PRPH2: variants seen among roughly 807,000 people sequenced by gnomAD.
The protein encoded by PRPH2 is peripherin-2.
Under a neutral mutation model 31.3 loss-of-function variants are expected in PRPH2, and 17 were observed. That is an observed-to-expected ratio of 0.54 (90% confidence interval 0.37 to 0.81). The LOEUF is 0.81. Ranked by LOEUF, PRPH2 falls within the 40% of genes least tolerant of loss-of-function variation. PRPH2 has a pLI of 0.00. For missense variants in PRPH2, 430 were observed against 439.7 expected (o/e 0.98, Z 0.20); for synonymous variants, 165 against 184.4 (o/e 0.89, Z 0.85).
Position 42,700,672 on chromosome 6 carries a change from G to A in PRPH2, c.829-2165C>T, listed in dbSNP as rs1800029619. ...CACTCTGATCCCCTCCTGCTTTCCT[G>A]AAGGAGGCTCTCTGCACTGTGAGTT... On this transcript the variant is annotated intron_variant, in intron 2 of 2. Transcript: ENST00000230381. Among the ~76,000 whole-genome samples, 5 of 152,170 alleles carry A rather than the reference G, an allele frequency of 3.3e-5. No individual in the cohort carries two copies. The South Asian group carries it at 1.0e-3, about 32-fold the overall frequency.
chr6:42,712,050 G>T, intron 1 of PRPH2: 1 of 818,852 alleles, frequency 1.2e-6, no homozygotes. Context: ...AACTGAGCCT[G>T]ATCCAACCAT....
chr6:42,722,524 G>A lies in PRPH2; in HGVS notation c.-190C>T. ...CCCGTGAATGCAGTAGTGGTGGCAGGGGTCTCGGAATCACAGCTTGAGCAG... is the reference window on the plus strand; with the variant it reads ...CCCGTGAATGCAGTAGTGGTGGCAGAGGTCTCGGAATCACAGCTTGAGCAG... On this transcript the variant is annotated 5_prime_UTR_variant, in exon 1 of 3. Transcript: ENST00000230381. The surrounding 1 kb of genome is among the most constrained non-coding windows in gnomAD (Gnocchi z 4.4). 1 of 1,462,978 alleles carries A rather than the reference G, an allele frequency of 6.8e-7. No homozygotes were observed. The allele number at this position is 1,462,978 out of a possible 1,614,324, so 90.6% of individuals were successfully genotyped here. A position where few individuals can be genotyped will look rare whatever the true frequency, so the allele number is the denominator to read the frequency against.
chr6:42,714,797 T>C (rs954606246), intron 1 of PRPH2, among the ~76,000 whole-genome samples: 5 of 152,126 alleles, frequency 3.3e-5, no homozygotes, highest in Non-Finnish European at 5.9e-5. Flanking sequence ...GGATTACAGG[T>C]GTGAGCCACC....
At position 42,722,203 on chromosome 6, in the gene PRPH2, T is replaced by G; in HGVS notation, c.132A>C (p.Glu44Asp). The change falls in exon 1 of 3, where the codon GAA (glutamate) becomes GAC (aspartate). Residue 44 changes from glutamate (E) to aspartate (D), a missense_variant. Coordinates refer to ENST00000230381, the MANE Select transcript of PRPH2 (RefSeq NM_000322.5). The surrounding 1 kb of genome is among the most constrained non-coding windows in gnomAD (Gnocchi z 4.4). ...TCATCACATCGCTCCTCTTTCGGAG[T>G]TCAATCTTCAGGAACAGTCCTAGGC... The part of the protein sequence containing the change: ...IFSLGLFLKI[E>D]LRKRSDVMNN... 6.2e-7 allele frequency: 1 copy of G among 1,614,040 alleles called. No homozygotes were observed.
chr6:42,721,927 G>C lies in PRPH2; in HGVS notation c.408C>G (p.Asn136Lys). Residue 136 changes from asparagine to lysine, a missense_variant, in exon 1 of 3, where the codon AAC becomes AAG. Physicochemically the swap from Asn to Lys is moderately conservative, Grantham distance 94. Coordinates refer to ENST00000230381, the MANE Select transcript of PRPH2 (RefSeq NM_000322.5). ...LENTLGQGLK[N>K]GMKYYRDTDT... ...CTGTGTCCCGGTAGTACTTCATGCC[G>C]TTCTTGAGCCCTTGGCCCAGGGTGT... 1 of 1,614,156 alleles carries C rather than the reference G, an allele frequency of 6.2e-7. No individual in the cohort carries two copies. Among genetic ancestry groups the C allele is most frequent in the Non-Finnish European group, 8.5e-7 (1 of 1,180,030 alleles).
At chr6:42,713,385 C>A (rs1284310939) in intron 1 of PRPH2, among the ~76,000 whole-genome samples, 1 of 152,164 alleles carries the variant, frequency 6.6e-6, no homozygotes, top group Admixed American at 6.5e-5. Flanking sequence ...CTGGCCCACC[C>A]AGGACCACCA....
chr6:42,719,324 G>A (rs868112385), intron 1 of PRPH2, among the ~76,000 whole-genome samples: 5 of 151,990 alleles, frequency 3.3e-5, no homozygotes, highest in Middle Eastern at 3.4e-3. Context: ...TTACAGGCAT[G>A]CCACCACACC....
chr6:42,722,080 G>A lies in PRPH2; in HGVS notation c.255C>T (p.Ala85=). ...NSLAGKICYD[A]LDPAKYARWK... Reference sequence around the variant, plus strand: ...ATCTGGCATACTTGGCTGGGTCCAGGGCGTCGTAGCAGATCTTCCCAGCCA... The same window carrying A: ...ATCTGGCATACTTGGCTGGGTCCAGAGCGTCGTAGCAGATCTTCCCAGCCA... Residue 85 remains alanine (A), a synonymous_variant, in exon 1 of 3, where the codon GCC becomes GCT. Transcript: ENST00000230381. The surrounding 1 kb of genome is among the most constrained non-coding windows in gnomAD (Gnocchi z 4.4). 1.9e-6 allele frequency: 3 copies of A among 1,614,196 alleles called. No individual in the cohort carries two copies. The highest frequency in any genetic ancestry group is 1.7e-5 in the Admixed American group (1 of 60,020).
intron 1 of PRPH2, among the ~76,000 whole-genome samples, chr6:42,711,624 G>A (rs1418075352): frequency 2.6e-5 from 4 of 152,196 alleles, no homozygotes; most frequent in Admixed American, 1.3e-4. Flanking sequence ...CAGCCCTCAG[G>A]AAGCCCCAAT....
chr6:42,704,703 A>C, intron 1 of PRPH2, 92 bp from the exon 2 acceptor site: 1 of 1,567,776 alleles, frequency 6.4e-7, no homozygotes. Flanking sequence ...AACCTAGAAT[A>C]GTCATTCACT....
chr6:42,709,562 AG>A (rs1800237485), intron 1 of PRPH2, among the ~76,000 whole-genome samples: 1 of 152,158 alleles, frequency 6.6e-6, no homozygotes, highest in Non-Finnish European at 1.5e-5. Context: ...TAGAGGGTTG[AG>A]GTAGATGGTA....
chr6:42,704,624 C>CA lies in PRPH2; in HGVS notation c.582-14dup, dbSNP rs751001788. ...GCTCTTGATTCGACTTAAAGGGAAA[C>CA]AGACAGCTGGAGATGGGCTTCCCGG... On this transcript the variant is annotated splice_polypyrimidine_tract_variant and intron_variant, in intron 1 of 2. Coordinates refer to ENST00000230381, the MANE Select transcript of PRPH2 (RefSeq NM_000322.5). 1.6e-5 allele frequency: 26 copies of CA among 1,614,226 alleles called. No individual in the cohort carries two copies. The highest frequency in any genetic ancestry group is 1.6e-4 in the Middle Eastern group (1 of 6,062).
In PRPH2 at chr6:42,704,539, C is replaced by G. The variant is rs373015247; in HGVS notation, c.654G>C (p.Ser218=). ...GVPFSCCNPS[S]PRPCIQYQIT... The stretch of plus-strand genomic sequence containing the variant: ...TCTGATACTGGATGCAGGGCCGTGG[C>G]GAGCTAGGATTGCAGCAGCTGAAAG... Residue 218 remains serine (S), a synonymous_variant, in exon 2 of 3, where the codon TCG becomes TCC. Coordinates refer to ENST00000230381, the MANE Select transcript of PRPH2 (RefSeq NM_000322.5). 13 of 1,614,112 alleles carry G rather than the reference C, an allele frequency of 8.1e-6. No individual in the cohort carries two copies. The highest frequency in any genetic ancestry group is 2.2e-5 in the South Asian group (2 of 91,076).
At chr6:42,702,197 G>C (rs1175026383) in intron 2 of PRPH2, among the ~76,000 whole-genome samples, 2 of 151,404 alleles carry the variant, frequency 1.3e-5, no homozygotes, top group East Asian at 1.9e-4. Context: ...AGCTGAGATC[G>C]CGCCACTGCA....
chr6:42,704,797 C>A (rs1415906628), intron 1 of PRPH2, among the ~76,000 whole-genome samples, 186 bp from the exon 2 acceptor site: 2 of 152,230 alleles, frequency 1.3e-5, no homozygotes, highest in African/African-American at 4.8e-5. Context: ...TGAATAAATG[C>A]CCCTGCCTTC....
In PRPH2 at chr6:42,698,493, A is replaced by G. The variant is rs762308246; in HGVS notation, c.843T>C (p.Ile281=). Residue 281 remains isoleucine (I), a synonymous_variant, in exon 3 of 3, where the codon ATT becomes ATC. Coordinates refer to ENST00000230381, the MANE Select transcript of PRPH2 (RefSeq NM_000322.5). Reference sequence around the variant, plus strand: ...GCGACGTCTGTAGGTAGCGCAGCCCAATTGTAATGGTCACCTGGTGGTGGG... The same window carrying G: ...GCGACGTCTGTAGGTAGCGCAGCCCGATTGTAATGGTCACCTGGTGGTGGG... The part of the protein sequence containing the change: ...LIWLFEVTIT[I]GLRYLQTSLD... 1.2e-6 allele frequency: 2 copies of G among 1,614,136 alleles called. No homozygotes were observed. The highest frequency in any genetic ancestry group is 1.7e-5 in the Admixed American group (1 of 60,024).
chr6:42,719,068 G>T (rs1431837436), intron 1 of PRPH2, among the ~76,000 whole-genome samples: 2 of 152,122 alleles, frequency 1.3e-5, no homozygotes, highest in Non-Finnish European at 2.9e-5. Context: ...ACAGAGAGAA[G>T]CAAAATGCTC....
intron 1 of PRPH2, among the ~76,000 whole-genome samples, chr6:42,718,696 T>C (rs1761835897): frequency 6.6e-6 from 1 of 152,092 alleles, no homozygotes; most frequent in Non-Finnish European, 1.5e-5. Flanking sequence ...TCACCTAGGC[T>C]GAAGTGCAGT....
chr6:42,702,279 AC>A (rs1424274763), intron 2 of PRPH2, among the ~76,000 whole-genome samples: 2 of 151,386 alleles, frequency 1.3e-5, no homozygotes, highest in African/African-American at 4.9e-5. Context: ...ACATACAGTC[AC>A]CCTTTAGTTT....
Sources: gnomAD v4.1 joint callset for allele counts (sites outside exome capture counted in the v4.1 genomes callset) on GRCh38, gnomAD v4.1.1 for gene constraint, Gnocchi (gnomAD v3.1) non-coding constraint, MANE v1.5 for transcripts, NCBI Gene and HGNC (gene_info 2026-07-23, HGNC 2026-07-21) for gene names.